Variants in SRGAP3 observed in about 807,000 individuals in gnomAD.
SRGAP3 encodes the protein SLIT-ROBO Rho GTPase activating protein 3.
SRGAP3 carries 39 observed loss-of-function variants against 121.1 expected under a neutral mutation model. The observed-to-expected ratio is 0.32, with a 90% CI of 0.25 to 0.42. The LOEUF is 0.42. Among genes scored for constraint, SRGAP3 ranks in the 10% least tolerant of loss-of-function variants. The pLI, the probability that SRGAP3 is intolerant of heterozygous loss-of-function variation, is 1.00. For synonymous variants in SRGAP3, 601 were observed against 570.0 expected (o/e 1.05, Z -0.77); for missense variants, 1,213 against 1,470.6 (o/e 0.82, Z 2.86).
intron 1 of SRGAP3, among the ~76,000 whole-genome samples, chr3:9,224,980 G>A (rs1952937849): frequency 6.6e-6 from 1 of 152,144 alleles, no homozygotes; most frequent in Non-Finnish European, 1.5e-5. Flanking sequence ...TCTACAGGCA[G>A]GCCTCACTCC....
intron 12 of SRGAP3, among the ~76,000 whole-genome samples, chr3:9,031,125 T>C (rs1239118644): frequency 6.6e-6 from 1 of 152,154 alleles, no homozygotes; most frequent in Non-Finnish European, 1.5e-5. Context: ...TAAACTTGTT[T>C]CTGTGGGGAT....
At chr3:9,269,713 A>G (rs980595122) in intron 3 of SRGAP3, among the ~76,000 whole-genome samples, 5 of 152,256 alleles carry the variant, frequency 3.3e-5, no homozygotes, top group Non-Finnish European at 7.3e-5. Context: ...AAGAGAGGGC[A>G]AAAGGCCAAT....
At chr3:9,061,019 G>T (rs1946147135) in intron 5 of SRGAP3, among the ~76,000 whole-genome samples, 1 of 152,210 alleles carries the variant, frequency 6.6e-6, no homozygotes, top group Admixed American at 6.5e-5. Context: ...ATCACCTGAG[G>T]TTAGGAGAGC....
intron 11 of SRGAP3, chr3:9,034,656 C>A (rs1216940068): frequency 2.0e-5 from 3 of 152,204 alleles, no homozygotes; most frequent in Non-Finnish European, 1.5e-5. Flanking sequence ...AGGCAAGATT[C>A]TTTCAAGCCC....
intron 1 of SRGAP3, among the ~76,000 whole-genome samples, chr3:9,347,617 A>G (rs1236752440): frequency 1.3e-5 from 2 of 152,230 alleles, no homozygotes; most frequent in Non-Finnish European, 2.9e-5. Context: ...AGACTAGCAG[A>G]AAAGAGGAGA....
At chr3:9,057,837 G>C (rs563992842) in intron 7 of SRGAP3, among the ~76,000 whole-genome samples, 1 of 152,332 alleles carries the variant, frequency 6.6e-6, no homozygotes, top group South Asian at 2.1e-4. Context: ...CGATCGTCTG[G>C]TGTATCAAAG....
chr3:9,271,153 C>G (rs1490198739), intron 3 of SRGAP3, among the ~76,000 whole-genome samples: 5 of 152,060 alleles, frequency 3.3e-5, no homozygotes, highest in Non-Finnish European at 7.4e-5. Flanking sequence ...GAAAACATGG[C>G]AAAACCCCGT....
intron 3 of SRGAP3, among the ~76,000 whole-genome samples, chr3:9,096,980 T>TATATATAC (rs1337002294): frequency 5.6e-5 from 4 of 70,992 alleles, no homozygotes; most frequent in Non-Finnish European, 8.1e-5. Context: ...TATATATATA[T>TATATATAC]ACACATACAC....
chr3:8,997,007 T>C (rs1310284486), intron 18 of SRGAP3, among the ~76,000 whole-genome samples: 6 of 151,944 alleles, frequency 3.9e-5, no homozygotes, highest in Non-Finnish European at 7.4e-5. Context: ...GAGCAGACAA[T>C]GTGAGGGAAA....
intron 3 of SRGAP3, among the ~76,000 whole-genome samples, chr3:9,084,218 C>T (rs1051128528): frequency 6.6e-6 from 1 of 152,106 alleles, no homozygotes; most frequent in Admixed American, 6.5e-5. Flanking sequence ...CTTGCCCTTC[C>T]TATTTCCTAA....
intron 17 of SRGAP3, among the ~76,000 whole-genome samples, chr3:9,012,316 A>G (rs185865588): frequency 6.6e-6 from 1 of 152,376 alleles, no homozygotes; most frequent in African/African-American, 2.4e-5. Context: ...AGTGTGGGTA[A>G]TACCTAAATA....
chr3:9,358,600 A>C (rs76402604), intron 1 of SRGAP3, among the ~76,000 whole-genome samples: 12,451 of 152,194 alleles, frequency 0.082, 660 homozygotes, highest in Admixed American at 0.16. Context: ...CTACCTAGAC[A>C]TAATGTCAGA....
chr3:9,042,963 T>C (rs978640579), intron 10 of SRGAP3, among the ~76,000 whole-genome samples: 3 of 152,146 alleles, frequency 2.0e-5, no homozygotes, highest in Non-Finnish European at 4.4e-5. Flanking sequence ...AAAAACTCTT[T>C]CCCTGGTTTT....
intron 21 of SRGAP3, among the ~76,000 whole-genome samples, chr3:8,988,559 G>A (rs1446694735): frequency 1.3e-5 from 2 of 152,220 alleles, no homozygotes; most frequent in African/African-American, 4.8e-5. Context: ...GGCCCCAAGT[G>A]CATTCCAGGG....
chr3:9,062,080 C>T (rs1351634029), intron 5 of SRGAP3, among the ~76,000 whole-genome samples: 1 of 82,264 alleles, frequency 1.2e-5, no homozygotes, highest in African/African-American at 4.3e-5. Context: ...CAGCCATGCA[C>T]CTGACCCCCC....
intron 2 of SRGAP3, among the ~76,000 whole-genome samples, chr3:9,121,007 C>A (rs904167970): frequency 1.3e-5 from 2 of 152,172 alleles, no homozygotes; most frequent in African/African-American, 4.8e-5. Context: ...CAAGGAGGAG[C>A]AATAGACTCG....
intron 1 of SRGAP3, among the ~76,000 whole-genome samples, chr3:9,197,510 G>C (rs1951951405): frequency 6.6e-6 from 1 of 152,194 alleles, no homozygotes; most frequent in Non-Finnish European, 1.5e-5. Context: ...CTAAACGCTT[G>C]ACAACTTCAC....
At chr3:9,206,362 C>T (rs756766340) in intron 1 of SRGAP3, among the ~76,000 whole-genome samples, 15 of 152,148 alleles carry the variant, frequency 9.9e-5, no homozygotes, top group Non-Finnish European at 2.1e-4. Context: ...CTGACTGGTG[C>T]GGAAGCTCAG....
chr3:9,121,662 G>T (rs1008922559), intron 2 of SRGAP3, among the ~76,000 whole-genome samples: 1 of 152,184 alleles, frequency 6.6e-6, no homozygotes, highest in African/African-American at 2.4e-5. Flanking sequence ...ACCCATGAGG[G>T]GCTGGCCGAG....
Sources: gnomAD v4.1 joint callset for allele counts (sites outside exome capture counted in the v4.1 genomes callset) on GRCh38, gnomAD v4.1.1 for gene constraint, MANE v1.5 for transcripts, NCBI Gene and HGNC (gene_info 2026-07-23, HGNC 2026-07-21) for gene names.